MAPK10: variants seen among roughly 807,000 people sequenced by gnomAD.
The protein encoded by MAPK10 is mitogen-activated protein kinase 10, also known as JNK3 alpha protein kinase.
MAPK10 carries 25 observed loss-of-function variants against 59.3 expected under a neutral mutation model. The ratio of observed to expected loss-of-function variants is 0.42; its 90% confidence interval spans 0.31 to 0.59. The LOEUF (loss-of-function observed/expected upper bound fraction) is 0.59, where lower values mean the gene tolerates loss of function less well. Ranked by LOEUF, MAPK10 falls within the 20% of genes least tolerant of loss-of-function variation. The probability of loss-of-function intolerance (pLI) is 0.15; values close to 1 mark genes in which losing one functional copy is unlikely to be tolerated. For synonymous variants in MAPK10, 190 were observed against 200.5 expected, an observed-to-expected ratio of 0.95 and a Z score of 0.44; for missense variants, 351 against 568.9, an observed-to-expected ratio of 0.62 and a Z score of 3.90.
chr4:86,321,406 T>C (rs2095887820), intron 2 of MAPK10, among the ~76,000 whole-genome samples: 1 of 151,794 alleles, frequency 6.6e-6, no homozygotes, highest in Non-Finnish European at 1.5e-5. Flanking sequence ...TATGCAGCCA[T>C]AAAAAATGAT....
intron 11 of MAPK10, among the ~76,000 whole-genome samples, chr4:86,035,370 CAAAAAAA>C (rs70948779): frequency 1.6e-4 from 6 of 37,864 alleles, no homozygotes; most frequent in African/African-American, 4.9e-4. Flanking sequence ...GACTCTGTCT[CAAAAAAA>C]AAAAAAAAAA....
At chr4:86,400,764 C>T (rs1743601601) in intron 1 of MAPK10, among the ~76,000 whole-genome samples, 1 of 152,054 alleles carries the variant, frequency 6.6e-6, no homozygotes, top group Non-Finnish European at 1.5e-5. Context: ...TTTTGGAAGT[C>T]AATTACTTCT....
chr4:86,140,714 T>A (rs1422870027), intron 4 of MAPK10, among the ~76,000 whole-genome samples: 1 of 152,008 alleles, frequency 6.6e-6, no homozygotes, highest in African/African-American at 2.4e-5. Context: ...GAAATTTATG[T>A]ATGCATTCTG....
chr4:86,410,265 T>C (rs1310218726), intron 1 of MAPK10, among the ~76,000 whole-genome samples: 3 of 152,210 alleles, frequency 2.0e-5, no homozygotes, highest in African/African-American at 4.8e-5. Context: ...TTGATCGTTG[T>C]GGATAAGCTT....
At chr4:86,375,711 T>A (rs75487838) in intron 1 of MAPK10, among the ~76,000 whole-genome samples, 1 of 33,714 alleles carries the variant, frequency 3.0e-5, no homozygotes, top group Non-Finnish European at 5.0e-5. Flanking sequence ...CAAGGTCCAC[T>A]CTAAAAAAAA....
chr4:86,467,615 GT>G lies in MAPK10; in HGVS notation c.-262-112972del, dbSNP rs1752318257. 2.0e-5 allele frequency among the ~76,000 whole-genome samples: 3 copies of G among 152,148 alleles called. No individual in the cohort carries two copies. The South Asian group carries it at 6.2e-4, about 32-fold the overall frequency. On this transcript the variant is annotated intron_variant, in intron 1 of 4. Transcript: ENST00000502302. ...GCTCACTGCAACCTCCGCCTCCCGG[GT>G]TCAAGCGATTCTCCTGCCTCAGCCT...
intron 1 of MAPK10, among the ~76,000 whole-genome samples, chr4:86,398,886 A>G (rs570212718): frequency 6.6e-6 from 1 of 152,236 alleles, no homozygotes; most frequent in Admixed American, 6.5e-5. Context: ...ACATTAATTC[A>G]CTTAGGATAA....
At chr4:86,573,665 T>C (rs1197797950) in intron 1 of MAPK10, among the ~76,000 whole-genome samples, 1 of 152,250 alleles carries the variant, frequency 6.6e-6, no homozygotes, top group Admixed American at 6.5e-5. Context: ...ACAGATTCTA[T>C]AGATAAATGT....
chr4:86,201,779 T>C (rs1246316022), intron 2 of MAPK10, among the ~76,000 whole-genome samples: 2 of 151,812 alleles, frequency 1.3e-5, no homozygotes, highest in African/African-American at 2.4e-5. Context: ...AGAGATATTC[T>C]CCTATATATT....
chr4:86,422,988 T>C (rs1479467380), intron 1 of MAPK10, among the ~76,000 whole-genome samples: 1 of 152,240 alleles, frequency 6.6e-6, no homozygotes, highest in Non-Finnish European at 1.5e-5. Flanking sequence ...TATTTTCTCA[T>C]TAGCTTTATT....
At chr4:86,511,758 G>A (rs1756282478) in intron 1 of MAPK10, among the ~76,000 whole-genome samples, 1 of 148,494 alleles carries the variant, frequency 6.7e-6, no homozygotes. Context: ...AGGGGGAGGG[G>A]AGAGAGGAAG....
chr4:86,433,139 T>C (rs1261334730), intron 1 of MAPK10, among the ~76,000 whole-genome samples: 1 of 152,138 alleles, frequency 6.6e-6, no homozygotes, highest in African/African-American at 2.4e-5. Context: ...GGGAGGTTAA[T>C]ATGAGAAGCA....
At chr4:86,059,255 T>C (rs1274402731) in intron 11 of MAPK10, among the ~76,000 whole-genome samples, 1 of 152,196 alleles carries the variant, frequency 6.6e-6, no homozygotes, top group Non-Finnish European at 1.5e-5. Context: ...TCACAGGGCA[T>C]GGAATCTATG....
At chr4:86,085,746 A>G (rs550690763) in intron 9 of MAPK10, among the ~76,000 whole-genome samples, 1 of 152,342 alleles carries the variant, frequency 6.6e-6, no homozygotes, top group South Asian at 2.1e-4. Flanking sequence ...TGCTGGGTAT[A>G]TAAACAAAAG....
chr4:86,535,565 C>T (rs1758178826), intron 1 of MAPK10, among the ~76,000 whole-genome samples: 1 of 152,154 alleles, frequency 6.6e-6, no homozygotes, highest in Admixed American at 6.5e-5. Flanking sequence ...TGCTATGCTG[C>T]CCCAGCCTCC....
At chr4:86,234,547 A>T (rs565010401) in intron 2 of MAPK10, among the ~76,000 whole-genome samples, 1 of 152,238 alleles carries the variant, frequency 6.6e-6, no homozygotes, top group East Asian at 1.9e-4. Flanking sequence ...TCAATAATAA[A>T]TACTATATTA....
upstream of MAPK10, among the ~76,000 whole-genome samples, chr4:86,454,541 T>C (rs1189903496): frequency 6.6e-6 from 1 of 151,830 alleles, no homozygotes; most frequent in African/African-American, 2.4e-5. Context: ...CAGAAAAGCT[T>C]CAGAAGACAA....
chr4:86,444,471 A>C (rs1212421750), intron 1 of MAPK10, among the ~76,000 whole-genome samples: 1 of 152,222 alleles, frequency 6.6e-6, no homozygotes, highest in Non-Finnish European at 1.5e-5. Flanking sequence ...AAAACATAGA[A>C]GAAAATGTAG....
chr4:86,299,828 G>A (rs561783350), intron 2 of MAPK10, among the ~76,000 whole-genome samples: 2 of 152,076 alleles, frequency 1.3e-5, no homozygotes, highest in Non-Finnish European at 2.9e-5. Context: ...TGCTAAACTA[G>A]AATATTATAT....
Sources: gnomAD v4.1 joint callset for allele counts (sites outside exome capture counted in the v4.1 genomes callset) on GRCh38, gnomAD v4.1.1 for gene constraint, MANE v1.5 for transcripts, NCBI Gene and HGNC (gene_info 2026-07-23, HGNC 2026-07-21) for gene names.